C9orf43: variants seen among roughly 807,000 people sequenced by gnomAD.
C9orf43 encodes chromosome 9 open reading frame 43.
C9orf43 carries 45 observed loss-of-function variants against 59.1 expected under a neutral mutation model. The ratio of observed to expected loss-of-function variants is 0.76; its 90% CI spans 0.60 to 0.98. The LOEUF is 0.98. Among genes scored for constraint, C9orf43 ranks in the 50% least tolerant of loss-of-function variants. The pLI is 0.00. For synonymous variants in C9orf43, 203 were observed against 196.8 expected (o/e 1.03, Z -0.26); for missense variants, 533 against 554.9 (o/e 0.96, Z 0.40).
rs1463963777 is a variant in C9orf43 at position 113,413,759 on chromosome 9, A to G, written c.152A>G (p.Asp51Gly). 1 of 1,613,638 alleles carries G rather than the reference A, an allele frequency of 6.2e-7. No homozygotes were observed. Among genetic ancestry groups the G allele is most frequent in the South Asian group, 1.1e-5 (1 of 90,936 alleles). The change falls in exon 3 of 14, where the codon GAT becomes GGT. Residue 51 changes from aspartate (D) to glycine (G), a missense_variant and splice_region_variant. Asp to Gly is a moderately conservative substitution (Grantham distance 94). Coordinates refer to ENST00000374165, the MANE Select transcript of C9orf43 (RefSeq NM_001278629.2). ...SSCKTPLDAEDKLPVLTVVDI... is the reference protein window; with the variant it reads ...SSCKTPLDAEGKLPVLTVVDI... ...GTTTTCTTCTGGTCTGCCTTCTTAG[A>G]TAAACTCCCAGTGCTCACCGTGGTA... is the stretch of plus-strand genomic sequence containing the variant.
chr9:113,422,373 T>C (rs988520183), intron 5 of C9orf43, among the ~76,000 whole-genome samples, 176 bp from the exon 6 acceptor site: 1 of 152,238 alleles, frequency 6.6e-6, no homozygotes, highest in East Asian at 1.9e-4. Context: ...CAGTTACTGC[T>C]GGGTTCCCAA....
chr9:113,425,686 C>T lies in C9orf43; in HGVS notation c.986C>T (p.Thr329Ile). 1 of 1,614,110 alleles carries T rather than the reference C, an allele frequency of 6.2e-7. No individual in the cohort carries two copies. The highest frequency in any genetic ancestry group is 1.1e-5 in the South Asian group (1 of 91,078). Residue 329 changes from threonine to isoleucine, a missense_variant, in exon 11 of 14, where the codon ACT becomes ATT. Physicochemically the swap from Thr to Ile is moderately conservative, Grantham distance 89. Transcript: ENST00000374165. ...AAGAGTGATCCAGGGATCCAGAGCA[C>T]TTCACATAAACATCCAGTTACCACC... ...KAKSDPGIQSTSHKHPVTTVH... is the reference protein window; with the variant it reads ...KAKSDPGIQSISHKHPVTTVH...
At position 113,413,774 on chromosome 9, in the gene C9orf43, T is replaced by C; in HGVS notation, c.167T>C (p.Leu56Pro). ...PLDAEDKLPV[L>P]TVVDILDSGF... is the part of the protein sequence containing the mutation. ...GCCTTCTTAGATAAACTCCCAGTGC[T>C]CACCGTGGTAGACATCTTAGATTCC... is the stretch of plus-strand genomic sequence containing the variant. The change falls in exon 3 of 14, where the codon CTC (leucine) becomes CCC (proline). Residue 56 changes from leucine (L) to proline (P), a missense_variant. By Grantham distance (98) the Leu-to-Pro change is moderately conservative (BLOSUM62 -3). Coordinates refer to ENST00000374165, the MANE Select transcript of C9orf43 (RefSeq NM_001278629.2). 6.2e-7 allele frequency: 1 copy of C among 1,614,118 alleles called. No individual in the cohort carries two copies. The highest frequency in any genetic ancestry group is 1.1e-5 in the South Asian group (1 of 91,052).
chr9:113,418,598 G>A (rs1368377867), intron 3 of C9orf43, among the ~76,000 whole-genome samples: 1 of 152,026 alleles, frequency 6.6e-6, no homozygotes, highest in Non-Finnish European at 1.5e-5. Context: ...TGTGAATATC[G>A]TCCTTGTGGT....
intron 3 of C9orf43, among the ~76,000 whole-genome samples, chr9:113,418,631 CTTAG>C (rs942491295): frequency 1.8e-4 from 27 of 152,026 alleles, no homozygotes; most frequent in African/African-American, 6.5e-4. Flanking sequence ...CTCAAAATAC[CTTAG>C]TTATAGGTGC....
At chr9:113,418,374 T>C (rs757192237) in intron 3 of C9orf43, among the ~76,000 whole-genome samples, 1 of 152,214 alleles carries the variant, frequency 6.6e-6, no homozygotes, top group Non-Finnish European at 1.5e-5. Flanking sequence ...TCCAGTGTTG[T>C]AGTATATACT....
chr9:113,418,723 C>A (rs922653056), intron 3 of C9orf43, among the ~76,000 whole-genome samples: 7 of 152,146 alleles, frequency 4.6e-5, no homozygotes, highest in African/African-American at 1.7e-4. Context: ...AATTTCATGA[C>A]TTTTAAAAGC....
In C9orf43 at chr9:113,425,437, G is replaced by C; in HGVS notation, c.942+17G>C. On this transcript the variant is annotated intron_variant, in intron 10 of 13. Coordinates refer to ENST00000374165, the MANE Select transcript of C9orf43 (RefSeq NM_001278629.2). ...AAGAAACAGGTAGAGTGGCAGTGAG[G>C]GGCTTGCTGGGACTGGGAGAGGTCT... 3 of 1,607,454 alleles carry C rather than the reference G, an allele frequency of 1.9e-6. No homozygotes were observed. Among genetic ancestry groups the C allele is most frequent in the Non-Finnish European group, 2.5e-6 (3 of 1,176,578 alleles).
chr9:113,428,755 TG>T, intron 12 of C9orf43, 144 bp from the exon 13 acceptor site: 1 of 681,832 alleles, frequency 1.5e-6, no homozygotes, highest in Non-Finnish European at 2.5e-6. Context: ...AAAGAACGTG[TG>T]GTAAAAGCTT....
chr9:113,425,512 T>C, intron 10 of C9orf43, 92 bp downstream of exon 10: 1 of 1,498,536 alleles, frequency 6.7e-7, no homozygotes, highest in Non-Finnish European at 9.1e-7. Context: ...CTCCTTGTTT[T>C]CTATCTGGTT....
chr9:113,428,245 T>A, intron 12 of C9orf43, 22 bp downstream of exon 12: 1 of 1,606,358 alleles, frequency 6.2e-7, no homozygotes, highest in Non-Finnish European at 8.5e-7. Flanking sequence ...CCAAGGCCTC[T>A]GCTAGGACCC....
At chr9:113,427,990 G>A (rs1166962459) in intron 11 of C9orf43, among the ~76,000 whole-genome samples, 157 bp from the exon 12 acceptor site, 1 of 152,206 alleles carries the variant, frequency 6.6e-6, no homozygotes, top group Non-Finnish European at 1.5e-5. Flanking sequence ...AGAATCTCAA[G>A]TAGAACTCAG....
In C9orf43 at chr9:113,428,207, G is replaced by GAACC; in HGVS notation, c.1093_1096dup (p.Thr366AsnfsTer17). On this transcript the variant is annotated frameshift_variant, in exon 12 of 14. Transcript: ENST00000374165. LOFTEE classifies it high-confidence loss of function. Reference sequence around the variant, plus strand: ...AAGCAGCAGCAGCAGATGGAAAAAGGAACCACTTCGAAACAGGTGAGAGTG... The same window carrying GAACC: ...AAGCAGCAGCAGCAGATGGAAAAAGGAACCAACCACTTCGAAACAGGTGAGAGTG... 6.2e-7 allele frequency: 1 copy of GAACC among 1,614,178 alleles called. No individual in the cohort carries two copies. The highest frequency in any genetic ancestry group is 2.2e-5 in the East Asian group (1 of 44,886).
At chr9:113,429,029 AC>A in intron 13 of C9orf43, 66 bp downstream of exon 13, 1 of 1,532,536 alleles carries the variant, frequency 6.5e-7, no homozygotes, top group Non-Finnish European at 9.0e-7. Context: ...ACCTGTGTTG[AC>A]CAGGATAGTT....
chr9:113,428,039 C>T (rs1190746187), intron 11 of C9orf43, 108 bp from the exon 12 acceptor site: 18 of 1,072,122 alleles, frequency 1.7e-5, no homozygotes, highest in East Asian at 7.1e-5. Context: ...AAGGTCTTGT[C>T]TTTTCCTGGA....
At position 113,418,899 on chromosome 9, in the gene C9orf43, G is replaced by A. The variant is rs116865578; in HGVS notation, c.288-209G>A. 2.2e-3 allele frequency among the ~76,000 whole-genome samples: 335 copies of A among 152,338 alleles called. 2 individuals are homozygous for A. Among genetic ancestry groups the A allele is most frequent in the Middle Eastern group, 6.8e-3 (2 of 294 alleles). On this transcript the variant is annotated intron_variant, in intron 3 of 13. Coordinates refer to ENST00000374165, the MANE Select transcript of C9orf43 (RefSeq NM_001278629.2). ...TCTGTTTGATGGAACAAATAGTTGT[G>A]AAGTATTTGCAGTGTGCAATGTCTG...
At chr9:113,419,710 A>G (rs546559776) in intron 4 of C9orf43, among the ~76,000 whole-genome samples, 4 of 152,312 alleles carry the variant, frequency 2.6e-5, no homozygotes, top group South Asian at 4.1e-4. Context: ...TTTATGACCT[A>G]TGAATAAGTT....
chr9:113,417,627 C>T (rs1291969642), intron 3 of C9orf43, among the ~76,000 whole-genome samples: 1 of 152,236 alleles, frequency 6.6e-6, no homozygotes, highest in Admixed American at 6.5e-5. Context: ...TAAGTGGCAT[C>T]TGTGCCTAGA....
intron 8 of C9orf43, 122 bp downstream of exon 8, chr9:113,424,438 T>C: frequency 9.5e-7 from 1 of 1,056,596 alleles, no homozygotes; most frequent in Non-Finnish European, 1.4e-6. Context: ...TCTGAACCCA[T>C]GCCCCAGAGA....
Sources: gnomAD v4.1 joint callset for allele counts (sites outside exome capture counted in the v4.1 genomes callset) on GRCh38, gnomAD v4.1.1 for gene constraint, MANE v1.5 for transcripts, NCBI Gene and HGNC (gene_info 2026-07-23, HGNC 2026-07-21) for gene names.